The following C3orf70 variants were observed in gnomAD, a reference collection of about 807,000 sequenced individuals.
The protein encoded by C3orf70 is chromosome 3 open reading frame 70.
In C3orf70, 15 loss-of-function variants were observed where a neutral mutation model predicts 20.7. That is an observed-to-expected ratio of 0.72 (90% CI 0.48 to 1.11). The LOEUF is 1.11. Ranked by LOEUF, C3orf70 falls within the 50% of genes most tolerant of loss-of-function variation. The probability of loss-of-function intolerance (pLI) is 0.00; values close to 1 mark genes in which losing one functional copy is unlikely to be tolerated. For missense variants in C3orf70, 332 were observed against 317.6 expected (o/e 1.05, Z -0.34); for synonymous variants, 161 against 125.7 (o/e 1.28, Z -1.88).
intron 1 of C3orf70, among the ~76,000 whole-genome samples, chr3:185,100,361 GC>G (rs759576488): frequency 3.9e-5 from 6 of 152,250 alleles, no homozygotes; most frequent in Admixed American, 6.5e-5. Context: ...GGACCACAGA[GC>G]AATCAAACTG....
At chr3:185,106,297 A>T (rs193268975) in intron 1 of C3orf70, among the ~76,000 whole-genome samples, 8 of 152,286 alleles carry the variant, frequency 5.3e-5, no homozygotes, top group African/African-American at 1.9e-4. Flanking sequence ...CATTTAGTTG[A>T]TTACATCAAG....
At chr3:185,144,053 G>A (rs1249559678) in intron 1 of C3orf70, among the ~76,000 whole-genome samples, 1 of 151,720 alleles carries the variant, frequency 6.6e-6, no homozygotes, top group African/African-American at 2.4e-5. Context: ...TTTCCACAAT[G>A]AGAATAATAA....
At chr3:185,085,567 C>G (rs73885667) in intron 1 of C3orf70, among the ~76,000 whole-genome samples, 3 of 152,178 alleles carry the variant, frequency 2.0e-5, no homozygotes, top group African/African-American at 7.2e-5. Flanking sequence ...GCAAACCCCG[C>G]AGTCTGATAA....
chr3:185,123,571 C>T (rs951904107), intron 1 of C3orf70, among the ~76,000 whole-genome samples: 10 of 150,900 alleles, frequency 6.6e-5, no homozygotes, highest in African/African-American at 2.4e-4. Context: ...AACTCCTAGG[C>T]TCAAGCGATC....
intron 1 of C3orf70, among the ~76,000 whole-genome samples, chr3:185,143,922 A>G (rs992695846): frequency 6.6e-6 from 1 of 152,002 alleles, no homozygotes; most frequent in Non-Finnish European, 1.5e-5. Context: ...TTAACAATGG[A>G]GGAAAACAGG....
At chr3:185,123,429 A>G (rs1716347558) in intron 1 of C3orf70, among the ~76,000 whole-genome samples, 1 of 152,090 alleles carries the variant, frequency 6.6e-6, no homozygotes, top group Non-Finnish European at 1.5e-5. Context: ...TTGGGTGACT[A>G]CAGTTACAAA....
chr3:185,093,105 A>C (rs1715628804), intron 1 of C3orf70, among the ~76,000 whole-genome samples: 1 of 152,180 alleles, frequency 6.6e-6, no homozygotes, highest in South Asian at 2.1e-4. Context: ...TGACTTCAGC[A>C]ATCAAGCCAC....
chr3:185,089,950 C>T (rs1313714537), intron 1 of C3orf70, among the ~76,000 whole-genome samples: 3 of 152,112 alleles, frequency 2.0e-5, no homozygotes, highest in Non-Finnish European at 4.4e-5. Context: ...TTCACAATGC[C>T]TCAATGAAAC....
At chr3:185,142,575 A>G (rs1471390131) in intron 1 of C3orf70, among the ~76,000 whole-genome samples, 2 of 152,258 alleles carry the variant, frequency 1.3e-5, no homozygotes, top group African/African-American at 4.8e-5. Flanking sequence ...CAGCGTAGTA[A>G]GTGATGCACG....
chr3:185,110,015 T>A (rs1716037625), intron 1 of C3orf70, among the ~76,000 whole-genome samples: 1 of 152,190 alleles, frequency 6.6e-6, no homozygotes, highest in South Asian at 2.1e-4. Flanking sequence ...CCACACTATG[T>A]TCAGCTGGTC....
rs1296703442 is a variant in C3orf70 at position 185,079,562 on chromosome 3, T to G, written c.*3445A>C. On this transcript the variant is annotated 3_prime_UTR_variant, in exon 2 of 2. Coordinates refer to ENST00000335012, the MANE Select transcript of C3orf70 (RefSeq NM_001025266.3). The stretch of plus-strand genomic sequence containing the variant: ...CCTTATTTTTTAATATACCAAACAG[T>G]TGTAACCACAAAAGCACTGTAATCA... The G allele has an allele frequency of 6.6e-6, 1 of 152,206 alleles. No individual in the cohort carries two copies. The highest frequency in any genetic ancestry group is 1.5e-5 in the Non-Finnish European group (1 of 68,040). The allele number at this position is 152,206 out of a possible 1,614,324, so 9.4% of individuals were successfully genotyped here.
chr3:185,099,167 C>T lies in C3orf70; in HGVS notation c.197-15604G>A, dbSNP rs151273442. On this transcript the variant is annotated intron_variant, in intron 1 of 1. Transcript: ENST00000335012. ...GGAAAACATAATTCAGGATATCATC[C>T]GGGAGAACTTTCCCAAGTTAGCTAT... Among the ~76,000 whole-genome samples, 102 of 152,130 alleles carry T rather than the reference C, an allele frequency of 6.7e-4. 1 individual carries two copies. Among genetic ancestry groups the T allele is most frequent in the Non-Finnish European group, 1.1e-3 (73 of 68,000 alleles).
intron 1 of C3orf70, among the ~76,000 whole-genome samples, chr3:185,097,524 G>T (rs903050962): frequency 2.0e-5 from 3 of 152,192 alleles, no homozygotes; most frequent in African/African-American, 7.2e-5. Context: ...CTTAGGAAAA[G>T]AACTGTGAAT....
intron 1 of C3orf70, among the ~76,000 whole-genome samples, chr3:185,110,227 C>A (rs1186742989): frequency 6.6e-6 from 1 of 152,170 alleles, no homozygotes; most frequent in Non-Finnish European, 1.5e-5. Context: ...TAGAAAGACA[C>A]TCTACAAACT....
At chr3:185,138,672 A>G (rs1466451877) in intron 1 of C3orf70, among the ~76,000 whole-genome samples, 1 of 152,252 alleles carries the variant, frequency 6.6e-6, no homozygotes, top group Non-Finnish European at 1.5e-5. Flanking sequence ...TTGATTTTAA[A>G]AAAGCATCTG....
rs1259065193 is a variant in C3orf70, at chr3:185,114,105, A to G, written c.197-30542T>C. 2.0e-5 allele frequency among the ~76,000 whole-genome samples: 3 copies of G among 152,270 alleles called. No homozygotes were observed. The East Asian group carries it at 5.8e-4, about 29-fold the overall frequency. On this transcript the variant is annotated intron_variant, in intron 1 of 1. Coordinates refer to ENST00000335012, the MANE Select transcript of C3orf70 (RefSeq NM_001025266.3). ...TCCCAGTTACTTGGGAGGCTGAGGC[A>G]GGAGAATTGCTTGAACCTAGGAGGC...
chr3:185,130,859 A>T (rs144310458), intron 1 of C3orf70, among the ~76,000 whole-genome samples: 1 of 152,286 alleles, frequency 6.6e-6, no homozygotes, highest in Non-Finnish European at 1.5e-5. Context: ...TTATCCATTC[A>T]TCAATTAATG....
At chr3:185,101,922 C>A (rs1715831964) in intron 1 of C3orf70, among the ~76,000 whole-genome samples, 1 of 152,108 alleles carries the variant, frequency 6.6e-6, no homozygotes, top group South Asian at 2.1e-4. Flanking sequence ...AAGGAAAATA[C>A]CTCAAAATAA....
At chr3:185,145,650 C>A (rs1268063731) in intron 1 of C3orf70, among the ~76,000 whole-genome samples, 5 of 152,292 alleles carry the variant, frequency 3.3e-5, no homozygotes, top group Admixed American at 3.3e-4. Flanking sequence ...AAACCGACAG[C>A]CCTGGTTGCC....
Sources: allele counts gnomAD v4.1 joint callset (sites outside exome capture counted in the v4.1 genomes callset), GRCh38; gene constraint gnomAD v4.1.1; transcripts MANE v1.5; gene names NCBI Gene and HGNC (gene_info 2026-07-23, HGNC 2026-07-21).